PTPRN2: variants seen among roughly 807,000 people sequenced by gnomAD.
The protein encoded by PTPRN2 is receptor-type tyrosine-protein phosphatase N2.
A neutral mutation model predicts 118.8 loss-of-function variants in PTPRN2; 74 were observed. The observed-to-expected ratio is 0.62, with a 90% CI of 0.52 to 0.76. The LOEUF (loss-of-function observed/expected upper bound fraction) is 0.76, where lower values mean the gene tolerates loss of function less well. Ranked by LOEUF, PTPRN2 falls within the 30% of genes least tolerant of loss-of-function variation. PTPRN2 has a pLI of 0.00. For synonymous variants in PTPRN2, 641 were observed against 608.0 expected (o/e 1.05, Z -0.80); for missense variants, 1,481 against 1,394.4 (o/e 1.06, Z -0.99).
chr7:157,552,897 A>G (rs571707244), intron 21 of PTPRN2, among the ~76,000 whole-genome samples: 1 of 152,326 alleles, frequency 6.6e-6, no homozygotes, highest in South Asian at 2.1e-4. Context: ...GTGAGGGTCC[A>G]GTGAGATGAC....
At chr7:157,833,841 A>G (rs1459036960) in intron 12 of PTPRN2, among the ~76,000 whole-genome samples, 1 of 152,216 alleles carries the variant, frequency 6.6e-6, no homozygotes, top group Admixed American at 6.5e-5. Context: ...GCTCATTTCC[A>G]TAAATCAGCA....
Position 158,022,093 on chromosome 7 carries a change from G to A in PTPRN2, c.1723+59205C>T, listed in dbSNP as rs1225243352. Among the ~76,000 whole-genome samples the A allele has an allele frequency of 1.3e-5, 2 of 152,094 alleles. No homozygotes were observed. Among genetic ancestry groups the A allele is most frequent in the East Asian group, 1.9e-4 (1 of 5,168 alleles). ...TGGGTGACAGGTCCCCAGAAGCTTC[G>A]GTCTTGGGCTTGTCCTGGTAGGAAA... On this transcript the variant is annotated intron_variant, in intron 11 of 22. Transcript: ENST00000389418. The surrounding 1 kb of genome is among the most constrained non-coding windows in gnomAD (Gnocchi z 4.6).
intron 13 of PTPRN2, among the ~76,000 whole-genome samples, chr7:157,678,159 C>T (rs984459086): frequency 2.0e-5 from 3 of 152,196 alleles, no homozygotes; most frequent in Non-Finnish European, 2.9e-5. Context: ...ACAGTTTTCA[C>T]AGGGTGCCCT....
intron 12 of PTPRN2, among the ~76,000 whole-genome samples, chr7:157,840,295 CTG>C (rs562733100): frequency 5.5e-4 from 67 of 121,396 alleles, no homozygotes; most frequent in African/African-American, 2.3e-3. Context: ...GACCGTGTGA[CTG>C]TGTGACTGTG....
At chr7:157,597,871 T>C (rs1368413585) in intron 16 of PTPRN2, among the ~76,000 whole-genome samples, 1 of 152,198 alleles carries the variant, frequency 6.6e-6, no homozygotes, top group Non-Finnish European at 1.5e-5. Flanking sequence ...GTGACATGTG[T>C]CATCGGTTTC....
At position 157,903,496 on chromosome 7, in the gene PTPRN2, A is replaced by G. The variant is rs75035541; in HGVS notation, c.1724-4759T>C. On this transcript the variant is annotated intron_variant, in intron 11 of 22. Coordinates refer to ENST00000389418, the MANE Select transcript of PTPRN2 (RefSeq NM_002847.5). The surrounding 1 kb of genome is among the most constrained non-coding windows in gnomAD (Gnocchi z 4.2). ...TAAAAGCTGAAAATTAAAAATACGGATAAGTGAACAGATGTGCCACCGACA... is the reference window on the plus strand; with the variant it reads ...TAAAAGCTGAAAATTAAAAATACGGGTAAGTGAACAGATGTGCCACCGACA... Among the ~76,000 whole-genome samples, 1,686 of 152,146 alleles carry G rather than the reference A, an allele frequency of 0.011. 143 individuals carry two copies. In the East Asian group the frequency reaches 0.23, roughly 21 times the overall value.
rs555184508 is a variant in PTPRN2, at chr7:157,784,704, T to A, written c.1789-101767A>T. Reference sequence around the variant, plus strand: ...GATCCCGTATGAAACGGGCAGGGGCTGAGCTGATCCCGTGGCAGTGCAAAC... The same window carrying A: ...GATCCCGTATGAAACGGGCAGGGGCAGAGCTGATCCCGTGGCAGTGCAAAC... On this transcript the variant is annotated intron_variant, in intron 12 of 22. Transcript: ENST00000389418. This position sits in a 1 kb window ranked among gnomAD's most constrained non-coding sequence, Gnocchi z 4.6. 1.2e-4 allele frequency among the ~76,000 whole-genome samples: 18 copies of A among 151,718 alleles called. No individual in the cohort carries two copies. The South Asian group carries it at 3.8e-3, about 32-fold the overall frequency.
At chr7:158,019,709 C>T (rs530028067) in intron 11 of PTPRN2, among the ~76,000 whole-genome samples, 49 of 152,152 alleles carry the variant, frequency 3.2e-4, no homozygotes, top group African/African-American at 1.1e-3. Context: ...CGGGCTGTGT[C>T]CCCTCCAAGT....
chr7:158,287,969 T>C (rs1799871552), intron 3 of PTPRN2, among the ~76,000 whole-genome samples: 1 of 152,166 alleles, frequency 6.6e-6, no homozygotes, highest in South Asian at 2.1e-4. Context: ...CATATTAATA[T>C]TTGCTTTACA....
intron 9 of PTPRN2, 72 bp downstream of exon 9, chr7:158,133,605 G>A: frequency 1.3e-6 from 2 of 1,499,050 alleles, no homozygotes; most frequent in Non-Finnish European, 1.8e-6. Flanking sequence ...CAGCAAGGAG[G>A]CGCCCCACCT....
At chr7:158,557,236 C>A (rs562840238) in intron 1 of PTPRN2, among the ~76,000 whole-genome samples, 2 of 139,026 alleles carry the variant, frequency 1.4e-5, no homozygotes, top group Non-Finnish European at 3.1e-5. Flanking sequence ...AGAGGGCTCC[C>A]GTGCAGGTCA....
rs893321266 is a variant in PTPRN2 at position 157,603,861 on chromosome 7, T to C, written c.2418+141A>G. 1.3e-6 allele frequency: 1 copy of C among 759,334 alleles called. No individual in the cohort carries two copies. Among genetic ancestry groups the C allele is most frequent in the Non-Finnish European group, 2.1e-6 (1 of 476,556 alleles). 47.0% of individuals were successfully genotyped at this position (759,334 alleles called of 1,614,324 possible). ...GAACAGGGGAGTGGCGGGAGCCCAA[T>C]GGGCAGAGTCGGCCCTGTCCACCGC... On this transcript the variant is annotated intron_variant, in intron 16 of 22. Transcript: ENST00000389418. The surrounding 1 kb of genome is among the most constrained non-coding windows in gnomAD (Gnocchi z 5.4).
chr7:158,067,895 A>T (rs1330974817), intron 11 of PTPRN2, among the ~76,000 whole-genome samples: 1 of 152,100 alleles, frequency 6.6e-6, no homozygotes, highest in Non-Finnish European at 1.5e-5. Flanking sequence ...ACACCAGGGC[A>T]GGCCGGGTCA....
rs1374685837 is a variant in PTPRN2, at chr7:157,984,421, CCACGCCAGGCT to C, written c.1724-85695_1724-85685del. On this transcript the variant is annotated intron_variant, in intron 11 of 22. Coordinates refer to ENST00000389418, the MANE Select transcript of PTPRN2 (RefSeq NM_002847.5). The stretch of plus-strand genomic sequence containing the variant: ...CCCCCACGCCAGGCTCCACCCCATC[CCACGCCAGGCT>C]CCACGCCAGGCTCCACCCCCCCCAC... Among the ~76,000 whole-genome samples the C allele has an allele frequency of 1.7e-3, 19 of 11,238 alleles. 2 individuals carry two copies. The highest frequency in any genetic ancestry group is 3.3e-3 in the South Asian group (2 of 602). 7.4% of individuals were successfully genotyped at this position (11,238 alleles called of 152,430 possible). A position where few individuals can be genotyped will look rare whatever the true frequency, so the allele number is the denominator to read the frequency against.
At chr7:158,021,138 C>CA (rs1361950768) in intron 11 of PTPRN2, among the ~76,000 whole-genome samples, 3 of 152,220 alleles carry the variant, frequency 2.0e-5, no homozygotes, top group African/African-American at 7.2e-5. Context: ...ACAAATCCTT[C>CA]AGTCTCTTAA....
chr7:158,318,824 G>A (rs1230872470), intron 2 of PTPRN2, among the ~76,000 whole-genome samples: 11 of 152,214 alleles, frequency 7.2e-5, no homozygotes, highest in South Asian at 2.1e-4. Context: ...CGGCCACTCC[G>A]GGTGTCTGCA....
intron 1 of PTPRN2, among the ~76,000 whole-genome samples, chr7:158,490,251 G>A (rs962380231): frequency 2.0e-5 from 3 of 152,232 alleles, no homozygotes; most frequent in Non-Finnish European, 4.4e-5. Context: ...CGGCTGCGTG[G>A]GAAGCAAACC....
At chr7:157,928,682 G>C (rs1799171323) in intron 11 of PTPRN2, among the ~76,000 whole-genome samples, 4 of 147,698 alleles carry the variant, frequency 2.7e-5, no homozygotes, top group African/African-American at 1.0e-4. Context: ...ACTATGAAGA[G>C]AGGGCAGCAC....
At chr7:158,084,682 G>T (rs899390769) in intron 10 of PTPRN2, among the ~76,000 whole-genome samples, 2 of 135,562 alleles carry the variant, frequency 1.5e-5, no homozygotes, top group Non-Finnish European at 1.6e-5. Context: ...CACCCACGAC[G>T]CCCATCCACA....
Sources: allele counts gnomAD v4.1 joint callset (sites outside exome capture counted in the v4.1 genomes callset), GRCh38; gene constraint gnomAD v4.1.1; non-coding constraint Gnocchi (gnomAD v3.1); transcripts MANE v1.5; gene names NCBI Gene and HGNC (gene_info 2026-07-23, HGNC 2026-07-21).